The following GPHN variants were observed in gnomAD, a reference collection of about 807,000 sequenced individuals.
The protein encoded by GPHN is gephyrin.
A neutral mutation model predicts 95.5 loss-of-function variants in GPHN; 17 were observed. The ratio of observed to expected loss-of-function variants is 0.18; its 90% CI spans 0.12 to 0.27. GPHN has a LOEUF of 0.27. Among genes scored for constraint, GPHN ranks in the 10% least tolerant of loss-of-function variants. The pLI, the probability that GPHN is intolerant of heterozygous loss-of-function variation, is 1.00. For missense variants in GPHN, 660 were observed against 978.1 expected (o/e 0.67, Z 4.34); for synonymous variants, 320 against 322.5 (o/e 0.99, Z 0.08).
At chr14:66,593,204 A>C (rs543450889) in intron 1 of GPHN, among the ~76,000 whole-genome samples, 3 of 151,902 alleles carry the variant, frequency 2.0e-5, no homozygotes, top group Non-Finnish European at 4.4e-5. Context: ...TGTAGATGAC[A>C]GGTTGATGGG....
intron 1 of GPHN, among the ~76,000 whole-genome samples, chr14:66,562,547 T>A (rs2060303650): frequency 6.6e-6 from 1 of 151,954 alleles, no homozygotes; most frequent in Admixed American, 6.6e-5. Flanking sequence ...CACAGGAGAG[T>A]ACTCAATGAT....
intron 16 of GPHN, among the ~76,000 whole-genome samples, chr14:67,115,983 T>C (rs1286228590): frequency 6.6e-6 from 1 of 152,186 alleles, no homozygotes; most frequent in East Asian, 1.9e-4. Flanking sequence ...TCTGTATTCG[T>C]TGATTTCAAC....
At chr14:66,832,347 C>T (rs955413703) in intron 4 of GPHN, among the ~76,000 whole-genome samples, 1 of 151,982 alleles carries the variant, frequency 6.6e-6, no homozygotes, top group Non-Finnish European at 1.5e-5. Context: ...TCTTTTTCTT[C>T]CTCATTTAAT....
chr14:67,470,278 A>G, the GPHN span: 1 of 152,278 alleles, frequency 6.6e-6, no homozygotes. Flanking sequence ...CTGGAACACA[A>G]ACACCAGTAT....
At chr14:66,865,305 T>C (rs2063183284) in intron 4 of GPHN, among the ~76,000 whole-genome samples, 2 of 152,144 alleles carry the variant, frequency 1.3e-5, no homozygotes, top group Admixed American at 1.3e-4. Flanking sequence ...CCATATACCA[T>C]GATGTGATTA....
the GPHN span, among the ~76,000 whole-genome samples, chr14:67,367,313 C>T: frequency 6.6e-5 from 10 of 152,166 alleles, no homozygotes; most frequent in Admixed American, 5.9e-4. Context: ...TCACTGCAAC[C>T]TCCGACTCCC....
In GPHN at chr14:66,943,721, C is replaced by A. The variant is rs140494790; in HGVS notation, c.828+19429C>A. Among the ~76,000 whole-genome samples the A allele has an allele frequency of 5.5e-3, 830 of 152,164 alleles. 3 individuals carry two copies. The highest frequency in any genetic ancestry group is 0.019 in the African/African-American group (793 of 41,512). On this transcript the variant is annotated intron_variant, in intron 8 of 22. Coordinates refer to ENST00000478722, the MANE Select transcript of GPHN (RefSeq NM_020806.5). Reference sequence around the variant, plus strand: ...TCCTTTAAGCCAGTTAATTAGAGCTCTTTTTATAGGCATCACACACACAAC... The same window carrying A: ...TCCTTTAAGCCAGTTAATTAGAGCTATTTTTATAGGCATCACACACACAAC...
the GPHN span, among the ~76,000 whole-genome samples, chr14:67,626,256 G>A: frequency 6.7e-6 from 1 of 149,442 alleles, no homozygotes; most frequent in African/African-American, 2.5e-5. Flanking sequence ...TCTGTCTCAG[G>A]GGAAAAAAAA....
At chr14:66,971,905 G>T (rs1451084878) in intron 9 of GPHN, among the ~76,000 whole-genome samples, 1 of 152,112 alleles carries the variant, frequency 6.6e-6, no homozygotes, top group Non-Finnish European at 1.5e-5. Flanking sequence ...AAAAAGTCTG[G>T]AATGTACTGG....
chr14:67,103,993 G>A (rs963277282), intron 13 of GPHN, among the ~76,000 whole-genome samples: 4 of 152,160 alleles, frequency 2.6e-5, no homozygotes, highest in African/African-American at 9.7e-5. Context: ...TCAGTATGAT[G>A]TTGGCTGTGG....
the GPHN span, chr14:67,332,934 T>C: frequency 6.2e-7 from 1 of 1,609,228 alleles, no homozygotes; most frequent in Non-Finnish European, 8.5e-7. Flanking sequence ...CCTCAGTGGG[T>C]ACCATCCACT....
At chr14:67,588,771 C>T in the GPHN span, 1 of 152,616 alleles carries the variant, frequency 6.6e-6, no homozygotes, top group African/African-American at 2.4e-5. Context: ...TTAACCCCAA[C>T]AATGTGTGTA....
At chr14:67,198,300 T>A in the GPHN span, 1 of 1,613,452 alleles carries the variant, frequency 6.2e-7, no homozygotes, top group Admixed American at 1.7e-5. Flanking sequence ...TCCTCCCATG[T>A]TAGAGAGCAA....
chr14:66,521,417 A>G (rs2058480133), intron 1 of GPHN, among the ~76,000 whole-genome samples: 1 of 152,152 alleles, frequency 6.6e-6, no homozygotes, highest in Non-Finnish European at 1.5e-5. Flanking sequence ...GGGATACTAA[A>G]TAGGTAACCT....
the GPHN span, among the ~76,000 whole-genome samples, chr14:67,340,681 C>T: frequency 4.0e-3 from 607 of 152,272 alleles, 18 homozygotes; most frequent in East Asian, 0.059. Context: ...CTTCCTCTCC[C>T]CCTCCCCCTC....
intron 2 of GPHN, among the ~76,000 whole-genome samples, chr14:66,685,063 T>C (rs889792995): frequency 6.6e-6 from 1 of 152,218 alleles, no homozygotes; most frequent in Admixed American, 6.5e-5. Context: ...TTCATGTCCC[T>C]ACAAAGGACG....
At chr14:67,405,577 C>T in the GPHN span, among the ~76,000 whole-genome samples, 2 of 152,166 alleles carry the variant, frequency 1.3e-5, no homozygotes, top group South Asian at 4.1e-4. Flanking sequence ...AGTCTCCTTC[C>T]ACATTTTACT....
At chr14:66,780,005 A>C (rs1646739405) in intron 3 of GPHN, among the ~76,000 whole-genome samples, 1 of 152,172 alleles carries the variant, frequency 6.6e-6, no homozygotes, top group African/African-American at 2.4e-5. Context: ...GAGGCTAGAG[A>C]AGAAAACAAG....
At chr14:67,689,888 T>C in the GPHN span, among the ~76,000 whole-genome samples, 1 of 151,622 alleles carries the variant, frequency 6.6e-6, no homozygotes, top group East Asian at 1.9e-4. Context: ...AGGTCGGCAG[T>C]GAGCCGAGAT....
Sources: gnomAD v4.1 joint callset for allele counts (sites outside exome capture counted in the v4.1 genomes callset) on GRCh38, gnomAD v4.1.1 for gene constraint, MANE v1.5 for transcripts, NCBI Gene and HGNC (gene_info 2026-07-23, HGNC 2026-07-21) for gene names.